The following PPP6R3 variants were observed in gnomAD, a reference collection of about 807,000 sequenced individuals.
PPP6R3 encodes the protein protein phosphatase 6 regulatory subunit 3.
PPP6R3 carries 38 observed loss-of-function variants against 110.7 expected under a neutral mutation model. The ratio of observed to expected loss-of-function variants is 0.34; its 90% CI spans 0.26 to 0.45. The LOEUF (loss-of-function observed/expected upper bound fraction) is 0.45, where lower values mean the gene tolerates loss of function less well. PPP6R3 is among the 20% of genes least tolerant of loss of function. PPP6R3 has a pLI of 1.00. For missense variants in PPP6R3, 870 were observed against 1,062.4 expected, an observed-to-expected ratio of 0.82 and a Z score of 2.52; for synonymous variants, 369 against 373.5, an observed-to-expected ratio of 0.99 and a Z score of 0.14.
rs11309470 is a variant in PPP6R3, at chr11:68,613,898, ATTT to A, written c.*797_*799del. Reference sequence around the variant, plus strand: ...GAGTGTATATGGCTTGTGTTTTGGGATTTTTTTTTTTTTTTTTTGGCTTTTGTT... The same window carrying A: ...GAGTGTATATGGCTTGTGTTTTGGGATTTTTTTTTTTTTTTGGCTTTTGTT... On this transcript the variant is annotated 3_prime_UTR_variant, in exon 24 of 24. Transcript: ENST00000393800. 2,909 of 912,808 alleles carry A rather than the reference ATTT, an allele frequency of 3.2e-3. 15 individuals are homozygous for A. The African/African-American group carries it at 0.034, about 11-fold the overall frequency. 56.5% of individuals were successfully genotyped at this position (912,808 alleles called of 1,614,324 possible).
chr11:68,503,756 A>ACT (rs58433663), intron 1 of PPP6R3, among the ~76,000 whole-genome samples: 48,398 of 152,050 alleles, frequency 0.32, 8,731 homozygotes, highest in African/African-American at 0.49. Context: ...CAGACAAATA[A>ACT]CTTTTTCTTT....
chr11:68,541,957 A>G (rs1374492559), intron 3 of PPP6R3, among the ~76,000 whole-genome samples: 1 of 151,846 alleles, frequency 6.6e-6, no homozygotes, highest in Admixed American at 6.6e-5. Flanking sequence ...AGCAGAGACA[A>G]CTCTTTGAAG....
intron 3 of PPP6R3, among the ~76,000 whole-genome samples, chr11:68,541,770 A>G (rs2099316834): frequency 6.6e-6 from 1 of 152,038 alleles, no homozygotes; most frequent in African/African-American, 2.4e-5. Context: ...GATTGGATGC[A>G]AGAGGAGAAC....
intron 5 of PPP6R3, among the ~76,000 whole-genome samples, chr11:68,550,717 T>C (rs1454500446): frequency 6.6e-6 from 1 of 152,184 alleles, no homozygotes; most frequent in African/African-American, 2.4e-5. Flanking sequence ...TAAATATTGC[T>C]CTTCTCAATC....
chr11:68,569,106 A>T (rs1004750846), intron 10 of PPP6R3, among the ~76,000 whole-genome samples: 1 of 152,056 alleles, frequency 6.6e-6, no homozygotes, highest in African/African-American at 2.4e-5. Context: ...CACGCTAACT[A>T]TTTGTGTTAG....
Position 68,495,301 on chromosome 11 carries a change from C to T in PPP6R3, c.-157-24200C>T, listed in dbSNP as rs559547741. 1.6e-4 allele frequency among the ~76,000 whole-genome samples: 25 copies of T among 152,328 alleles called. 1 individual carries two copies. Among genetic ancestry groups the T allele is most frequent in the African/African-American group, 5.8e-4 (24 of 41,566 alleles). On this transcript the variant is annotated intron_variant, in intron 1 of 23. Coordinates refer to ENST00000393800, the MANE Select transcript of PPP6R3 (RefSeq NM_001164161.2). ...CCCTTAAAAAACAATCTTTTCTTAG[C>T]ACCTTCCTTTGCAAATATAGATTGC...
chr11:68,515,371 A>G (rs1341313393), intron 1 of PPP6R3, among the ~76,000 whole-genome samples: 1 of 152,292 alleles, frequency 6.6e-6, no homozygotes, highest in Non-Finnish European at 1.5e-5. Flanking sequence ...CACAAGGCAG[A>G]CACAGCACAG....
chr11:68,574,881 G>A (rs1593405649), intron 13 of PPP6R3, among the ~76,000 whole-genome samples: 2 of 152,318 alleles, frequency 1.3e-5, no homozygotes, highest in African/African-American at 4.8e-5. Flanking sequence ...TATTCTGAAT[G>A]TGAACAGTCT....
chr11:68,569,434 C>A (rs1285632135), intron 10 of PPP6R3, among the ~76,000 whole-genome samples: 1 of 152,144 alleles, frequency 6.6e-6, no homozygotes, highest in African/African-American at 2.4e-5. Context: ...TTAATAATAA[C>A]TAATAATAAA....
intron 1 of PPP6R3, among the ~76,000 whole-genome samples, chr11:68,501,228 T>C (rs2099047228): frequency 6.6e-6 from 1 of 152,232 alleles, no homozygotes; most frequent in South Asian, 2.1e-4. Context: ...GAATTTGTAG[T>C]GTTCTCCAGT....
intron 1 of PPP6R3, among the ~76,000 whole-genome samples, chr11:68,474,067 A>G (rs1455363727): frequency 1.4e-5 from 2 of 147,422 alleles, no homozygotes; most frequent in Non-Finnish European, 3.0e-5. Flanking sequence ...TTTTGAGACA[A>G]GGTCTTGCTC....
chr11:68,518,362 G>A (rs1441829141), intron 1 of PPP6R3, among the ~76,000 whole-genome samples: 3 of 152,164 alleles, frequency 2.0e-5, no homozygotes, highest in Admixed American at 2.0e-4. Context: ...ACTGCCAGAA[G>A]CACATAACCC....
chr11:68,597,553 A>G (rs918676341), intron 19 of PPP6R3, among the ~76,000 whole-genome samples: 2 of 152,196 alleles, frequency 1.3e-5, no homozygotes, highest in African/African-American at 4.8e-5. Flanking sequence ...ACTGTTACAC[A>G]TGAGAAATAA....
intron 2 of PPP6R3, among the ~76,000 whole-genome samples, chr11:68,533,925 A>G (rs191203181): frequency 7.8e-4 from 118 of 152,192 alleles, no homozygotes; most frequent in South Asian, 2.1e-3. Context: ...CTGGAACAGC[A>G]TGGGCAGGAA....
chr11:68,491,836 A>C (rs905023900), intron 1 of PPP6R3, among the ~76,000 whole-genome samples: 1 of 152,100 alleles, frequency 6.6e-6, no homozygotes, highest in Non-Finnish European at 1.5e-5. Flanking sequence ...GGCCAAACAT[A>C]AGTTACAGTA....
intron 1 of PPP6R3, among the ~76,000 whole-genome samples, chr11:68,468,460 T>C (rs1026340623): frequency 3.3e-5 from 5 of 152,254 alleles, no homozygotes; most frequent in Non-Finnish European, 2.9e-5. Context: ...CCCTTTTCAC[T>C]GTGGACTTCT....
intron 2 of PPP6R3, among the ~76,000 whole-genome samples, chr11:68,521,490 C>T (rs1160044016): frequency 6.6e-6 from 1 of 152,178 alleles, no homozygotes; most frequent in Non-Finnish European, 1.5e-5. Context: ...TCCTCCTCCT[C>T]CTTTTACACA....
At position 68,614,283 on chromosome 11, in the gene PPP6R3, T is replaced by TATA. The variant is rs1481948524; in HGVS notation, c.*1169_*1171dup. 2 of 1,037,928 alleles carry TATA rather than the reference T, an allele frequency of 1.9e-6. No individual in the cohort carries two copies. Among genetic ancestry groups the TATA allele is most frequent in the African/African-American group, 3.5e-5 (2 of 57,614 alleles). 64.3% of individuals were successfully genotyped at this position (1,037,928 alleles called of 1,614,324 possible). A position where few individuals can be genotyped will look rare whatever the true frequency, so the allele number is the denominator to read the frequency against. ...TTATGGATACTAATTCAATGTAATT[T>TATA]ATAATTTTCTATGTCAATACAAAAA... is the stretch of plus-strand genomic sequence containing the variant. On this transcript the variant is annotated 3_prime_UTR_variant, in exon 24 of 24. Coordinates refer to ENST00000393800, the MANE Select transcript of PPP6R3 (RefSeq NM_001164161.2).
chr11:68,519,993 C>CTGTCTG (rs2153572392), intron 2 of PPP6R3, among the ~76,000 whole-genome samples: 1 of 152,296 alleles, frequency 6.6e-6, no homozygotes, highest in African/African-American at 2.4e-5. Flanking sequence ...CACCGGGACT[C>CTGTCTG]TGTCTGTGTG....
Sources: gnomAD v4.1 joint callset for allele counts (sites outside exome capture counted in the v4.1 genomes callset) on GRCh38, gnomAD v4.1.1 for gene constraint, MANE v1.5 for transcripts, NCBI Gene and HGNC (gene_info 2026-07-23, HGNC 2026-07-21) for gene names.